Variants in PRKCA observed in about 807,000 individuals in gnomAD.
The protein encoded by PRKCA is protein kinase C alpha.
In PRKCA, 27 loss-of-function variants were observed where a neutral mutation model predicts 87.0. The observed-to-expected ratio is 0.31, with a 90% CI of 0.23 to 0.43. PRKCA has a LOEUF of 0.43. Ranked by LOEUF, PRKCA falls within the 20% of genes least tolerant of loss-of-function variation. The pLI is 1.00. For synonymous variants in PRKCA, 329 were observed against 311.1 expected, an observed-to-expected ratio of 1.06 and a Z score of -0.61; for missense variants, 518 against 852.3, an observed-to-expected ratio of 0.61 and a Z score of 4.88.
chr17:66,702,543 A>G (rs1973089517), intron 8 of PRKCA, among the ~76,000 whole-genome samples: 1 of 152,206 alleles, frequency 6.6e-6, no homozygotes, highest in African/African-American at 2.4e-5. Flanking sequence ...TTTTTATACT[A>G]GAAATTTGCT....
intron 8 of PRKCA, among the ~76,000 whole-genome samples, chr17:66,711,855 A>C (rs1973338709): frequency 6.6e-6 from 1 of 152,192 alleles, no homozygotes; most frequent in East Asian, 1.9e-4. Flanking sequence ...CTCACCCTGC[A>C]GATGTGCCTG....
rs1470249611 is a variant in PRKCA, at chr17:66,804,499, A to C, written c.*462A>C. The C allele has an allele frequency of 6.5e-6, 1 of 153,266 alleles. No individual in the cohort carries two copies. The highest frequency in any genetic ancestry group is 2.0e-4 in the East Asian group (1 of 5,102). The allele number at this position is 153,266 out of a possible 1,614,324, so 9.5% of individuals were successfully genotyped here. A position where few individuals can be genotyped will look rare whatever the true frequency, so the allele number is the denominator to read the frequency against. On this transcript the variant is annotated 3_prime_UTR_variant, in exon 17 of 17. Coordinates refer to ENST00000413366, the MANE Select transcript of PRKCA (RefSeq NM_002737.3). ...AAGCCAAGAGAGTGAGCAGGGAGGG[A>C]TTGGGGGTGGGGGAGGCCTCAAAAT... is the stretch of plus-strand genomic sequence containing the variant.
chr17:66,566,474 T>TG (rs1968892822), intron 3 of PRKCA, among the ~76,000 whole-genome samples: 1 of 124,078 alleles, frequency 8.1e-6, no homozygotes, highest in African/African-American at 3.1e-5. Context: ...CTGTTGTTGT[T>TG]TTTTGGTTTT....
At chr17:66,420,514 T>G (rs1912428384) in intron 2 of PRKCA, among the ~76,000 whole-genome samples, 1 of 152,188 alleles carries the variant, frequency 6.6e-6, no homozygotes, top group South Asian at 2.1e-4. Context: ...CAGCACAGCA[T>G]TCAGTAAATA....
Position 66,805,195 on chromosome 17 carries a change from A to C in PRKCA, c.*1158A>C, listed in dbSNP as rs1010444220. ...TGAATGACAGGCCTGGAGCTGTAGA[A>C]TCAGGAAACCCGGATGCCTAACAGC... On this transcript the variant is annotated 3_prime_UTR_variant, in exon 17 of 17. Coordinates refer to ENST00000413366, the MANE Select transcript of PRKCA (RefSeq NM_002737.3). 3 of 931,538 alleles carry C rather than the reference A, an allele frequency of 3.2e-6. No individual in the cohort carries two copies. Among genetic ancestry groups the C allele is most frequent in the African/African-American group, 1.8e-5 (1 of 56,132 alleles). 57.7% of individuals were successfully genotyped at this position (931,538 alleles called of 1,614,324 possible).
At chr17:66,606,849 C>G (rs1011280543) in intron 3 of PRKCA, among the ~76,000 whole-genome samples, 2 of 151,914 alleles carry the variant, frequency 1.3e-5, no homozygotes, top group African/African-American at 4.8e-5. Flanking sequence ...CAAATTATGA[C>G]TCATTTATGT....
chr17:66,520,327 G>A (rs1312418664), intron 3 of PRKCA, among the ~76,000 whole-genome samples: 1 of 151,924 alleles, frequency 6.6e-6, no homozygotes, highest in Non-Finnish European at 1.5e-5. Flanking sequence ...CGCCATGTTG[G>A]CCAGGCTGGT....
chr17:66,558,297 A>G (rs1968564215), intron 3 of PRKCA, among the ~76,000 whole-genome samples: 1 of 152,246 alleles, frequency 6.6e-6, no homozygotes, highest in African/African-American at 2.4e-5. Flanking sequence ...GACAGTCAAC[A>G]TGTATGCCAA....
intron 2 of PRKCA, among the ~76,000 whole-genome samples, chr17:66,384,782 C>T (rs1208331313): frequency 8.5e-5 from 13 of 152,122 alleles, no homozygotes; most frequent in Admixed American, 8.5e-4. Flanking sequence ...GTGCCCGTCA[C>T]CACACCTGGC....
intron 3 of PRKCA, among the ~76,000 whole-genome samples, chr17:66,605,181 G>C (rs1286220905): frequency 6.6e-6 from 1 of 152,188 alleles, no homozygotes; most frequent in African/African-American, 2.4e-5. Flanking sequence ...GCAGTAACAA[G>C]GACAACCTTT....
In PRKCA at chr17:66,478,989, C is replaced by A. The variant is rs1319104638; in HGVS notation, c.206-17212C>A. 2.0e-5 allele frequency among the ~76,000 whole-genome samples: 3 copies of A among 152,084 alleles called. No homozygotes were observed. In the East Asian group the frequency reaches 5.8e-4, roughly 29 times the overall value. On this transcript the variant is annotated intron_variant, in intron 2 of 16. Transcript: ENST00000413366. ...GGCAAAGATTTCATGACGAAGACGC[C>A]AAAAGCAATTGCGACAAAAGCAAAA...
At chr17:66,468,808 T>A (rs1915199395) in intron 2 of PRKCA, among the ~76,000 whole-genome samples, 1 of 152,090 alleles carries the variant, frequency 6.6e-6, no homozygotes, top group East Asian at 1.9e-4. Context: ...AAACCCAGAT[T>A]CCCATTCACC....
At chr17:66,712,182 C>G (rs766680167) in intron 8 of PRKCA, among the ~76,000 whole-genome samples, 2 of 152,220 alleles carry the variant, frequency 1.3e-5, no homozygotes, top group South Asian at 2.1e-4. Context: ...GAAAGAGGCA[C>G]CTCTTGATCA....
chr17:66,788,708 G>T, intron 15 of PRKCA, 131 bp from the exon 16 acceptor site: 2 of 1,076,220 alleles, frequency 1.9e-6, no homozygotes, highest in Non-Finnish European at 2.7e-6. Context: ...TGAGTGTCTT[G>T]GTCAGCTCTC....
intron 3 of PRKCA, among the ~76,000 whole-genome samples, chr17:66,575,680 G>A (rs1356289354): frequency 6.6e-6 from 1 of 152,132 alleles, no homozygotes; most frequent in Non-Finnish European, 1.5e-5. Flanking sequence ...ACACATACAG[G>A]GATTACTTGG....
intron 2 of PRKCA, among the ~76,000 whole-genome samples, chr17:66,412,053 A>G (rs1911844813): frequency 6.6e-6 from 1 of 151,108 alleles, no homozygotes; most frequent in African/African-American, 2.4e-5. Context: ...TTTTCATGGA[A>G]CATCACTTTT....
intron 2 of PRKCA, among the ~76,000 whole-genome samples, chr17:66,342,410 A>C (rs1907088204): frequency 6.6e-6 from 1 of 150,610 alleles, no homozygotes; most frequent in African/African-American, 2.4e-5. Context: ...CAGCAGAGTG[A>C]GACTCCATCT....
chr17:66,572,200 C>T (rs572419130), intron 3 of PRKCA, among the ~76,000 whole-genome samples: 7 of 152,300 alleles, frequency 4.6e-5, no homozygotes, highest in African/African-American at 9.6e-5. Context: ...GGCATGGTGG[C>T]GCACGCCTGT....
chr17:66,501,689 TTCCAGCA>T (rs1916738251), intron 3 of PRKCA, among the ~76,000 whole-genome samples: 1 of 152,200 alleles, frequency 6.6e-6, no homozygotes, highest in South Asian at 2.1e-4. Context: ...CAGTACCCCA[TTCCAGCA>T]TCCGAGGTTT....
Sources: gnomAD v4.1 joint callset for allele counts (sites outside exome capture counted in the v4.1 genomes callset) on GRCh38, gnomAD v4.1.1 for gene constraint, MANE v1.5 for transcripts, NCBI Gene and HGNC (gene_info 2026-07-23, HGNC 2026-07-21) for gene names.